The following HELZ2 variants were observed in gnomAD, a reference collection of about 807,000 sequenced individuals.
HELZ2 encodes helicase with zinc finger 2, also known as 3'-5' exoribonuclease HELZ2.
In HELZ2, 143 loss-of-function variants were observed where a neutral mutation model predicts 208.8. The ratio of observed to expected loss-of-function variants is 0.68; its 90% confidence interval spans 0.60 to 0.79. The LOEUF is 0.79. Ranked by LOEUF, HELZ2 falls within the 30% of genes least tolerant of loss-of-function variation. HELZ2 has a pLI of 0.00. For missense variants in HELZ2, 3,690 were observed against 3,794.5 expected (o/e 0.97, Z 0.72); for synonymous variants, 1,705 against 1,693.7 (o/e 1.01, Z -0.16).
exon 8 of HELZ2, chr20:63,563,007 C>G (rs748774993): frequency 6.2e-7 from 1 of 1,601,092 alleles, no homozygotes; most frequent in Non-Finnish European, 8.5e-7. Flanking sequence ...GCGTACTCAT[C>G]CACGTCGCGG....
intron 5 of HELZ2, 81 bp downstream of exon 6, chr20:63,568,277 C>T: frequency 9.4e-7 from 1 of 1,066,204 alleles, no homozygotes. Context: ...GACTGGAGCA[C>T]ATCCAGGGGG....
chr20:63,559,780 C>G (rs1397960712), intron 18 of HELZ2, 148 bp downstream of exon 19: 29 of 463,954 alleles, frequency 6.3e-5, no homozygotes, highest in Admixed American at 1.9e-4. Context: ...AGATGGGAGT[C>G]AGTCAGAGTC....
At chr20:63,561,723 C>T in exon 12 of HELZ2, 1 of 1,607,228 alleles carries the variant, frequency 6.2e-7, no homozygotes, top group Non-Finnish European at 8.5e-7. Context: ...GGGGCTTCAG[C>T]TCCATCCTTC....
At chr20:63,564,294 G>A (rs2082923508) in exon 8 of HELZ2, 3 of 1,607,514 alleles carry the variant, frequency 1.9e-6, no homozygotes, top group Non-Finnish European at 2.5e-6. Flanking sequence ...TCCTCGTCCG[G>A]CTGCTCATAG....
exon 8 of HELZ2, chr20:63,563,260 G>C: frequency 6.4e-7 from 1 of 1,557,822 alleles, no homozygotes; most frequent in African/African-American, 1.4e-5. Context: ...CCCGCCGCTG[G>C]GACGCCTCGC....
In HELZ2 at chr20:63,562,700, G is replaced by C. The variant is rs751197130; in HGVS notation, c.6122C>G (p.Thr2041Ser). The change falls in exon 8 of 19, where the codon ACC (threonine) becomes AGC (serine). Residue 2041 changes from threonine (T) to serine (S), a missense_variant. By Grantham distance (58) the Thr-to-Ser change is moderately conservative (BLOSUM62 1). Around this residue, in one of 3 missense-constraint regions of HELZ2, gnomAD observed 2,564 missense variants for 2,580.5 expected, o/e 0.99. Coordinates refer to ENST00000467148, the Ensembl canonical transcript of HELZ2. The stretch of plus-strand genomic sequence containing the variant: ...CTGCGTCTGCCCGTGGGCCACCCAG[G>C]TATACGTGCCGGGGTCAACATTCAG... 2.5e-6 allele frequency: 4 copies of C among 1,600,112 alleles called. No homozygotes were observed. Among genetic ancestry groups the C allele is most frequent in the Non-Finnish European group, 3.4e-6 (4 of 1,174,546 alleles).
intron 3 of HELZ2, 24 bp from the exon 5 acceptor site, chr20:63,569,689 G>T (rs1450120415): frequency 6.7e-7 from 1 of 1,490,886 alleles, no homozygotes; most frequent in African/African-American, 1.4e-5. Context: ...CAGACGGTGA[G>T]GGGGGCCCAG....
At chr20:63,567,942 C>G (rs2082980172) in intron 5 of HELZ2, 1 of 553,196 alleles carries the variant, frequency 1.8e-6, no homozygotes, top group African/African-American at 1.9e-5. Context: ...CTTCCTCCCA[C>G]TCCCCACTGG....
At chr20:63,562,601 C>A in exon 8 of HELZ2, 2 of 1,598,400 alleles carry the variant, frequency 1.3e-6, no homozygotes, top group Non-Finnish European at 8.5e-7. Flanking sequence ...CTTCTCCATG[C>A]CCATGTGGTG....
At chr20:63,558,953 C>T (rs1600962300), downstream of HELZ2, 4 of 308,042 alleles carry the variant, frequency 1.3e-5, no homozygotes, top group East Asian at 2.2e-4. Context: ...GGGTTTCCTT[C>T]CTGGTTCTGA....
chr20:63,568,300 CGGTGTAGA>C, intron 5 of HELZ2, 50 bp downstream of exon 6: 1 of 1,319,396 alleles, frequency 7.6e-7, no homozygotes, highest in Non-Finnish European at 1.1e-6. Flanking sequence ...ACCGCCTGCC[CGGTGTAGA>C]CTTGGGCCGG....
chr20:63,564,863 A>G (rs752435174), exon 8 of HELZ2: 5 of 1,612,160 alleles, frequency 3.1e-6, no homozygotes, highest in East Asian at 4.5e-5. Context: ...GTATTTCTGC[A>G]GCACCTTGGT....
At chr20:63,562,678 C>T (rs142656726) in exon 8 of HELZ2, 11 of 1,597,632 alleles carry the variant, frequency 6.9e-6, no homozygotes, top group South Asian at 3.4e-5. Flanking sequence ...CCCAGTCCTG[C>T]GTCTGCCCGT....
At chr20:63,559,592 GGTGGGAGGA>G (rs2082859330) in intron 18 of HELZ2, among the ~76,000 whole-genome samples, 1 of 81,728 alleles carries the variant, frequency 1.2e-5, no homozygotes, top group Admixed American at 9.9e-5. Context: ...GTCAGGGTCA[GGTGGGAGGA>G]GTCAGGGTCA....
upstream of HELZ2, chr20:63,574,179 C>T (rs2083037994): frequency 6.6e-6 from 1 of 151,394 alleles, no homozygotes; most frequent in Non-Finnish European, 1.5e-5. Flanking sequence ...GACCCCCGCG[C>T]TCACCCTCCT....
At position 63,566,462 on chromosome 20, in the gene HELZ2, G is replaced by A. The variant is rs933801435; in HGVS notation, c.2515-9C>T. The A allele has an allele frequency of 3.2e-6, 5 of 1,547,740 alleles. No individual in the cohort carries two copies. The highest frequency in any genetic ancestry group is 1.4e-5 in the African/African-American group (1 of 73,072). On this transcript the variant is annotated splice_polypyrimidine_tract_variant and intron_variant, in intron 6 of 18. Transcript: ENST00000467148. ...TGCCTCAGTGCACTGACCTGAAGAC[G>A]CAGCAGGGCCGGGGATGAGTGCTGG...
Position 63,565,709 on chromosome 20 carries a change from G to A in HELZ2, c.3113C>T (p.Ala1038Val), listed in dbSNP as rs1048641880. The A allele has an allele frequency of 6.2e-7, 1 of 1,607,364 alleles. No homozygotes were observed. The stretch of plus-strand genomic sequence containing the variant: ...TGCAGCAGCCGCTCCTGCCGCACAG[G>A]CCCCGGGCACCACGTCTTCCTTCAC... Residue 1038 changes from alanine (A) to valine (V), a missense_variant, in exon 8 of 19, where the codon GCC (alanine) becomes GTC (valine). Ala to Val is a moderately conservative substitution (Grantham distance 64). Transcript: ENST00000467148.
At chr20:63,564,809 C>T (rs1050997322) in exon 8 of HELZ2, 12 of 1,609,914 alleles carry the variant, frequency 7.5e-6, no homozygotes, top group African/African-American at 1.3e-5. Context: ...CAAGAAGGCG[C>T]GGCAGTCCTC....
intron 18 of HELZ2, 151 bp from the exon 20 acceptor site, chr20:63,559,521 A>G (rs1238047819): frequency 1.2e-5 from 3 of 246,766 alleles, no homozygotes; most frequent in African/African-American, 6.0e-5. Flanking sequence ...GATGGGAGTC[A>G]GTCAGAGTCA....
Sources: allele counts gnomAD v4.1 joint callset (sites outside exome capture counted in the v4.1 genomes callset), GRCh38; gene constraint gnomAD v4.1.1; regional missense constraint gnomAD v4.1.1; transcripts MANE v1.5; gene names NCBI Gene and HGNC (gene_info 2026-07-23, HGNC 2026-07-21).